Variants in LUZP2 observed in about 807,000 individuals in gnomAD.
LUZP2 encodes the protein leucine zipper protein 2.
In LUZP2, 52 loss-of-function variants were observed where a neutral mutation model predicts 51.6. The ratio of observed to expected loss-of-function variants is 1.01; its 90% CI spans 0.81 to 1.27. The LOEUF (loss-of-function observed/expected upper bound fraction) is 1.27, where lower values mean the gene tolerates loss of function less well. LUZP2 is among the 50% of genes most tolerant of loss of function. The pLI is 0.00. For synonymous variants in LUZP2, 154 were observed against 137.3 expected (o/e 1.12, Z -0.85); for missense variants, 436 against 395.4 (o/e 1.10, Z -0.87).
intron 5 of LUZP2, among the ~76,000 whole-genome samples, chr11:24,883,229 C>T (rs112172626): frequency 2.0e-5 from 3 of 151,824 alleles, no homozygotes; most frequent in Non-Finnish European, 4.4e-5. Context: ...GAATCTCATA[C>T]TAAATGTACG....
At chr11:24,708,275 A>G (rs1162434860) in intron 1 of LUZP2, among the ~76,000 whole-genome samples, 2 of 152,234 alleles carry the variant, frequency 1.3e-5, no homozygotes, top group African/African-American at 2.4e-5. Flanking sequence ...CTCTTCCACA[A>G]GAAAACCTCA....
intron 7 of LUZP2, among the ~76,000 whole-genome samples, chr11:24,922,054 A>AT (rs141901695): frequency 0.047 from 7,133 of 150,318 alleles, 536 homozygotes; most frequent in African/African-American, 0.16. Flanking sequence ...GATATTAATT[A>AT]TTTTTTTTTT....
intron 1 of LUZP2, among the ~76,000 whole-genome samples, chr11:24,637,655 A>C (rs1006507752): frequency 1.3e-5 from 2 of 151,744 alleles, no homozygotes; most frequent in Admixed American, 6.6e-5. Context: ...TGTGATTGAT[A>C]ATAAGGACTG....
intron 6 of LUZP2, among the ~76,000 whole-genome samples, chr11:24,908,427 C>A (rs187151994): frequency 1.3e-5 from 2 of 152,144 alleles, no homozygotes; most frequent in African/African-American, 4.8e-5. Flanking sequence ...ACTTTTTCAT[C>A]GTCCTTGTCT....
chr11:24,954,152 T>C (rs978462972), intron 7 of LUZP2, among the ~76,000 whole-genome samples: 16 of 151,930 alleles, frequency 1.1e-4, no homozygotes, highest in African/African-American at 3.9e-4. Flanking sequence ...CATAGCACAA[T>C]AGCAAGGGTA....
At chr11:24,541,262 A>C (rs1276554550) in intron 1 of LUZP2, among the ~76,000 whole-genome samples, 65 of 151,160 alleles carry the variant, frequency 4.3e-4, no homozygotes, top group South Asian at 1.5e-3. Context: ...TCAAGGAAAA[A>C]AAAAAAAAAA....
intron 5 of LUZP2, among the ~76,000 whole-genome samples, chr11:24,844,803 C>G (rs1358855652): frequency 6.6e-6 from 1 of 152,170 alleles, no homozygotes; most frequent in African/African-American, 2.4e-5. Flanking sequence ...GTACAAGCCC[C>G]AAGTCTTGGC....
At chr11:24,858,224 A>G (rs1426768179) in intron 5 of LUZP2, among the ~76,000 whole-genome samples, 1 of 152,142 alleles carries the variant, frequency 6.6e-6, no homozygotes, top group Non-Finnish European at 1.5e-5. Context: ...TTAATAAAGC[A>G]TCTTTTTCTT....
chr11:25,010,961 A>G (rs1281906631), intron 9 of LUZP2, among the ~76,000 whole-genome samples: 1 of 152,204 alleles, frequency 6.6e-6, no homozygotes, highest in Non-Finnish European at 1.5e-5. Flanking sequence ...GGAGCTTCTT[A>G]TAAGTAGATA....
chr11:25,009,927 T>G (rs1413541263), intron 9 of LUZP2, among the ~76,000 whole-genome samples: 1 of 152,224 alleles, frequency 6.6e-6, no homozygotes, highest in African/African-American at 2.4e-5. Flanking sequence ...TTGAGCCAAT[T>G]AAGGATATTT....
intron 9 of LUZP2, among the ~76,000 whole-genome samples, chr11:25,011,995 A>C (rs897343713): frequency 6.6e-6 from 1 of 152,152 alleles, no homozygotes; most frequent in East Asian, 1.9e-4. Flanking sequence ...AGGCTTGTGT[A>C]TAGACACAAA....
At chr11:24,815,405 T>C (rs577564450) in intron 5 of LUZP2, among the ~76,000 whole-genome samples, 1 of 152,338 alleles carries the variant, frequency 6.6e-6, no homozygotes, top group East Asian at 1.9e-4. Flanking sequence ...TTTAAGGAGT[T>C]TAGCTTTAGG....
chr11:24,922,569 T>G (rs1854092308), intron 7 of LUZP2, among the ~76,000 whole-genome samples: 1 of 152,190 alleles, frequency 6.6e-6, no homozygotes, highest in African/African-American at 2.4e-5. Flanking sequence ...AAGTGTGAAT[T>G]TATTTCCAGT....
At chr11:24,574,643 G>A (rs1172828459) in intron 1 of LUZP2, among the ~76,000 whole-genome samples, 1 of 152,002 alleles carries the variant, frequency 6.6e-6, no homozygotes, top group African/African-American at 2.4e-5. Context: ...TTGAGCACTG[G>A]GGTGAGTAAG....
chr11:25,012,960 G>A (rs1857026152), intron 9 of LUZP2, among the ~76,000 whole-genome samples: 1 of 152,086 alleles, frequency 6.6e-6, no homozygotes, highest in African/African-American at 2.4e-5. Flanking sequence ...GCAAATATAT[G>A]GAATCAACCT....
chr11:24,519,191 T>C (rs778790653), intron 1 of LUZP2, among the ~76,000 whole-genome samples: 1 of 152,194 alleles, frequency 6.6e-6, no homozygotes, highest in Non-Finnish European at 1.5e-5. Flanking sequence ...AGTCATACCA[T>C]CCTCTTTATA....
intron 5 of LUZP2, among the ~76,000 whole-genome samples, chr11:24,896,461 GTCCCCAGC>G (rs1306213735): frequency 1.3e-5 from 2 of 152,320 alleles, no homozygotes; most frequent in South Asian, 4.1e-4. Flanking sequence ...GGGGCGCCGG[GTCCCCAGC>G]ACCACCGGCC....
intron 4 of LUZP2, among the ~76,000 whole-genome samples, chr11:24,760,215 T>A (rs1412309176): frequency 6.6e-6 from 1 of 152,074 alleles, no homozygotes; most frequent in Non-Finnish European, 1.5e-5. Flanking sequence ...GAGACCAGGG[T>A]TTTTATTATG....
At chr11:24,546,744 G>A (rs1416116317) in intron 1 of LUZP2, among the ~76,000 whole-genome samples, 1 of 151,918 alleles carries the variant, frequency 6.6e-6, no homozygotes, top group African/African-American at 2.4e-5. Flanking sequence ...TTTTATTGTT[G>A]TGTGTTTGCC....
Sources: allele counts gnomAD v4.1 joint callset (sites outside exome capture counted in the v4.1 genomes callset), GRCh38; gene constraint gnomAD v4.1.1; transcripts MANE v1.5; gene names NCBI Gene and HGNC (gene_info 2026-07-23, HGNC 2026-07-21).